VPS13B: variants seen among roughly 807,000 people sequenced by gnomAD.
The protein encoded by VPS13B is intermembrane lipid transfer protein VPS13B.
Under a neutral mutation model 426.4 loss-of-function variants are expected in VPS13B, and 285 were observed. That is an observed-to-expected ratio of 0.67 (90% CI 0.61 to 0.74). VPS13B has a LOEUF of 0.74. Ranked by LOEUF, VPS13B falls within the 30% of genes least tolerant of loss-of-function variation. The probability of loss-of-function intolerance (pLI) is 0.00; values close to 1 mark genes in which losing one functional copy is unlikely to be tolerated. For missense variants in VPS13B, 4,537 were observed against 4,782.6 expected (o/e 0.95, Z 1.51); for synonymous variants, 1,676 against 1,676.4 (o/e 1.00, Z 0.01).
intron 19 of VPS13B, among the ~76,000 whole-genome samples, chr8:99,322,033 A>G (rs1810011559): frequency 6.6e-6 from 1 of 152,200 alleles, no homozygotes. Flanking sequence ...GTGTTAGAGA[A>G]TACAATAAAA....
chr8:99,262,769 CTGTTGTTGTTGT>C (rs373225716), intron 17 of VPS13B, among the ~76,000 whole-genome samples: 7 of 150,022 alleles, frequency 4.7e-5, no homozygotes, highest in Admixed American at 1.3e-4. Context: ...TTTGGATGGT[CTGTTGTTGTTGT>C]TGTTGTTGTT....
chr8:99,690,252 A>G (rs1159780447), intron 35 of VPS13B, among the ~76,000 whole-genome samples: 2 of 152,218 alleles, frequency 1.3e-5, no homozygotes, highest in Admixed American at 1.3e-4. Flanking sequence ...ATCCACACAT[A>G]AAAGAATGAA....
chr8:99,571,379 A>C (rs1011938230), intron 31 of VPS13B, among the ~76,000 whole-genome samples: 1 of 152,150 alleles, frequency 6.6e-6, no homozygotes, highest in Non-Finnish European at 1.5e-5. Flanking sequence ...TGATTTTTAA[A>C]AATATTTACC....
chr8:99,505,145 A>G (rs925853730), intron 27 of VPS13B, among the ~76,000 whole-genome samples: 1 of 152,224 alleles, frequency 6.6e-6, no homozygotes, highest in Non-Finnish European at 1.5e-5. Context: ...TGGATTTAAC[A>G]GAATGGTGTG....
intron 3 of VPS13B, chr8:99,093,863 C>T (rs1169261567): frequency 6.6e-6 from 1 of 152,068 alleles, no homozygotes; most frequent in African/African-American, 2.4e-5. Context: ...ATAAATTCCT[C>T]GACACAGACA....
At chr8:99,657,728 A>G (rs1440702670) in intron 34 of VPS13B, among the ~76,000 whole-genome samples, 1 of 152,170 alleles carries the variant, frequency 6.6e-6, no homozygotes. Context: ...TAATATTTCA[A>G]ATGATGTTGC....
At chr8:99,495,077 T>C (rs1820814742) in intron 25 of VPS13B, among the ~76,000 whole-genome samples, 1 of 152,152 alleles carries the variant, frequency 6.6e-6, no homozygotes, top group African/African-American at 2.4e-5. Flanking sequence ...GGATGTGAAA[T>C]ATAAACTTTC....
At chr8:99,234,350 G>A in intron 17 of VPS13B, 2 of 743,390 alleles carry the variant, frequency 2.7e-6, no homozygotes, top group Non-Finnish European at 5.1e-6. Context: ...ATCCAACATC[G>A]CCCACTGCAG....
At chr8:99,366,745 T>C (rs1812915281) in intron 19 of VPS13B, among the ~76,000 whole-genome samples, 1 of 152,062 alleles carries the variant, frequency 6.6e-6, no homozygotes, top group African/African-American at 2.4e-5. Flanking sequence ...CTTTTATTTT[T>C]TGTGTATCTG....
chr8:99,815,591 A>G (rs1210274421), intron 44 of VPS13B, among the ~76,000 whole-genome samples: 2 of 152,180 alleles, frequency 1.3e-5, no homozygotes, highest in African/African-American at 2.4e-5. Context: ...TGCTCATACC[A>G]TGACCCAATC....
intron 17 of VPS13B, chr8:99,234,351 C>G: frequency 1.3e-6 from 1 of 744,386 alleles, no homozygotes; most frequent in East Asian, 2.6e-5. Context: ...TCCAACATCG[C>G]CCACTGCAGG....
intron 30 of VPS13B, among the ~76,000 whole-genome samples, chr8:99,535,973 GAGTT>G (rs1023051596): frequency 2.7e-5 from 4 of 149,284 alleles, no homozygotes; most frequent in African/African-American, 9.9e-5. Context: ...TTTTGAGATG[GAGTT>G]TTGCTCTTTT....
chr8:99,391,339 A>C (rs1177699268), intron 20 of VPS13B, among the ~76,000 whole-genome samples: 2 of 148,918 alleles, frequency 1.3e-5, no homozygotes, highest in African/African-American at 2.5e-5. Context: ...CTGTGTGTGC[A>C]TGTGTGTCTG....
At position 99,853,992 on chromosome 8, in the gene VPS13B, C is replaced by T. The variant is rs2130917992; in HGVS notation, c.10603C>T (p.His3535Tyr). Reference sequence around the variant, plus strand: ...CAGCAGGTTGGCTGGTCACTCCACACACCTCTCCGGGGGTAAACAGGTGTT... The same window carrying T: ...CAGCAGGTTGGCTGGTCACTCCACATACCTCTCCGGGGGTAAACAGGTGTT... ...PNSRLAGHST[H>Y]LSGGKQVLPM... is the part of the protein sequence containing the mutation. The change falls in exon 56 of 62, where the codon CAC becomes TAC. Residue 3535 changes from histidine (H) to tyrosine (Y), a missense_variant. Transcript: ENST00000357162. 1 of 1,614,228 alleles carries T rather than the reference C, an allele frequency of 6.2e-7. No homozygotes were observed. The highest frequency in any genetic ancestry group is 2.2e-5 in the East Asian group (1 of 44,886).
intron 30 of VPS13B, among the ~76,000 whole-genome samples, chr8:99,523,685 T>C (rs1045217421): frequency 2.6e-5 from 4 of 152,226 alleles, no homozygotes; most frequent in East Asian, 1.9e-4. Flanking sequence ...TACTCCCTAA[T>C]GCAGATATGG....
At chr8:99,228,479 T>C (rs541847150) in intron 17 of VPS13B, among the ~76,000 whole-genome samples, 1 of 152,326 alleles carries the variant, frequency 6.6e-6, no homozygotes, top group African/African-American at 2.4e-5. Context: ...TTAACATTAA[T>C]GAATGTATCT....
chr8:99,684,268 A>G (rs964543958), intron 35 of VPS13B, among the ~76,000 whole-genome samples: 2 of 152,096 alleles, frequency 1.3e-5, no homozygotes, highest in Non-Finnish European at 2.9e-5. Flanking sequence ...ATTGTTTTTT[A>G]TACTTTCTCC....
intron 7 of VPS13B, among the ~76,000 whole-genome samples, chr8:99,119,017 G>A (rs781247787): frequency 3.3e-5 from 5 of 152,078 alleles, no homozygotes; most frequent in South Asian, 4.2e-4. Flanking sequence ...GTTGCAGTTG[G>A]CCTACATCCT....
chr8:99,740,292 G>C (rs575934163), intron 39 of VPS13B, among the ~76,000 whole-genome samples: 103 of 152,122 alleles, frequency 6.8e-4, no homozygotes, highest in Non-Finnish European at 7.4e-4. Context: ...AAAAAGAAAT[G>C]AACAAAGCCT....
Sources: gnomAD v4.1 joint callset for allele counts (sites outside exome capture counted in the v4.1 genomes callset) on GRCh38, gnomAD v4.1.1 for gene constraint, MANE v1.5 for transcripts, NCBI Gene and HGNC (gene_info 2026-07-23, HGNC 2026-07-21) for gene names.